Variants in TSPAN9 observed in about 807,000 individuals in gnomAD.
The protein encoded by TSPAN9 is tetraspanin 9, also known as tetraspanin-9.
Under a neutral mutation model 31.0 loss-of-function variants are expected in TSPAN9, and 16 were observed. That is an observed-to-expected ratio of 0.52 (90% CI 0.35 to 0.78). The LOEUF is 0.78. Among genes scored for constraint, TSPAN9 ranks in the 30% least tolerant of loss-of-function variants. The pLI, the probability that TSPAN9 is intolerant of heterozygous loss-of-function variation, is 0.01. For missense variants in TSPAN9, 272 were observed against 312.5 expected, an observed-to-expected ratio of 0.87 and a Z score of 0.98; for synonymous variants, 145 against 121.6, an observed-to-expected ratio of 1.19 and a Z score of -1.27.
At chr12:3,206,814 A>G (rs909497674) in intron 3 of TSPAN9, among the ~76,000 whole-genome samples, 4 of 152,162 alleles carry the variant, frequency 2.6e-5, no homozygotes, top group Middle Eastern at 3.2e-3. Context: ...TGGAGTAACT[A>G]ATACTGCGTA....
At chr12:3,262,614 G>A (rs577917067) in intron 3 of TSPAN9, among the ~76,000 whole-genome samples, 1 of 152,046 alleles carries the variant, frequency 6.6e-6, no homozygotes, top group African/African-American at 2.4e-5. Flanking sequence ...TGGTGGGAAT[G>A]CTTATCCTTA....
Position 3,283,226 on chromosome 12 carries a change from C to T in TSPAN9, c.*110C>T. 1.8e-6 allele frequency: 2 copies of T among 1,134,908 alleles called. No individual in the cohort carries two copies. Among genetic ancestry groups the T allele is most frequent in the African/African-American group, 1.5e-5 (1 of 64,860 alleles). 70.3% of individuals were successfully genotyped at this position (1,134,908 alleles called of 1,614,324 possible). On this transcript the variant is annotated 3_prime_UTR_variant, in exon 9 of 9. Transcript: ENST00000011898. Reference sequence around the variant, plus strand: ...CAGATATGACCCCTGCACCCACCCCCCACAGCCTGCCCTACCCCACCTACC... The same window carrying T: ...CAGATATGACCCCTGCACCCACCCCTCACAGCCTGCCCTACCCCACCTACC...
chr12:3,279,547 G>A (rs73048966), intron 5 of TSPAN9, among the ~76,000 whole-genome samples: 6,416 of 152,280 alleles, frequency 0.042, 181 homozygotes, highest in Non-Finnish European at 0.063. Context: ...CCTTGAGGAC[G>A]GGCGCTGCTC....
At chr12:3,101,329 C>T (rs1367385153) in intron 2 of TSPAN9, among the ~76,000 whole-genome samples, 1 of 152,126 alleles carries the variant, frequency 6.6e-6, no homozygotes, top group East Asian at 1.9e-4. Flanking sequence ...GAAATGGGTA[C>T]CTTGAAGATA....
rs903323473 is a variant in TSPAN9 at position 3,171,418 on chromosome 12, C to G, written c.-17-29759C>G. Among the ~76,000 whole-genome samples, 133 of 152,114 alleles carry G rather than the reference C, an allele frequency of 8.7e-4. 1 individual carries two copies. Among genetic ancestry groups the G allele is most frequent in the Non-Finnish European group, 2.4e-4 (16 of 68,030 alleles). ...ATTGCCCACTCTCTTCTCATGTTTTCCATAATGCCAGCCCCAACCTTGAGG... is the reference window on the plus strand; with the variant it reads ...ATTGCCCACTCTCTTCTCATGTTTTGCATAATGCCAGCCCCAACCTTGAGG... On this transcript the variant is annotated intron_variant, in intron 2 of 8. Coordinates refer to ENST00000011898, the MANE Select transcript of TSPAN9 (RefSeq NM_006675.5).
intron 2 of TSPAN9, among the ~76,000 whole-genome samples, chr12:3,084,614 A>G (rs1292125167): frequency 2.0e-5 from 3 of 152,220 alleles, no homozygotes; most frequent in Non-Finnish European, 4.4e-5. Flanking sequence ...GCCAGTATTC[A>G]TATTTGTCAT....
At chr12:3,122,534 C>G (rs1261590272) in intron 2 of TSPAN9, among the ~76,000 whole-genome samples, 1 of 151,906 alleles carries the variant, frequency 6.6e-6, no homozygotes, top group Non-Finnish European at 1.5e-5. Flanking sequence ...GCTGGGATTA[C>G]AGGTGTGAGA....
At chr12:3,265,353 G>C (rs1862519757) in intron 3 of TSPAN9, among the ~76,000 whole-genome samples, 1 of 152,138 alleles carries the variant, frequency 6.6e-6, no homozygotes. Flanking sequence ...TGTAAAATGG[G>C]CTCCACTCAA....
chr12:3,281,397 A>G lies in TSPAN9; in HGVS notation c.564+68A>G, dbSNP rs565483587. ...TGGATGCCCCGGCACGGGGAGCCCT[A>G]TAGGGGAGGCTGGGCCCGGGACACT... On this transcript the variant is annotated intron_variant, in intron 7 of 8. Transcript: ENST00000011898. 1,187 of 1,458,122 alleles carry G rather than the reference A, an allele frequency of 8.1e-4. 13 individuals are homozygous for G. The African/African-American group carries it at 0.015, about 18-fold the overall frequency. The allele number at this position is 1,458,122 out of a possible 1,614,324, so 90.3% of individuals were successfully genotyped here.
intron 2 of TSPAN9, among the ~76,000 whole-genome samples, chr12:3,104,312 G>GT (rs1312081896): frequency 6.6e-6 from 1 of 151,672 alleles, no homozygotes; most frequent in Non-Finnish European, 1.5e-5. Context: ...TAGAAAATCG[G>GT]TAAGTGACAG....
intron 3 of TSPAN9, among the ~76,000 whole-genome samples, chr12:3,227,348 A>C (rs2098388395): frequency 1.3e-5 from 2 of 152,288 alleles, no homozygotes; most frequent in East Asian, 1.9e-4. Flanking sequence ...TGCTGGGGGC[A>C]GGCTTTGGAG....
rs532765971 is a variant in TSPAN9 at position 3,240,704 on chromosome 12, G to GT, written c.64-37717_64-37716insT. Among the ~76,000 whole-genome samples, 60 of 152,278 alleles carry GT rather than the reference G, an allele frequency of 3.9e-4. No individual in the cohort carries two copies. The Middle Eastern group carries it at 0.01, about 26-fold the overall frequency. On this transcript the variant is annotated intron_variant, in intron 3 of 8. Coordinates refer to ENST00000011898, the MANE Select transcript of TSPAN9 (RefSeq NM_006675.5). ...AATCTATGATCCTTACACTACACCA[G>GT]CCTGTCTCTGCTGCACTGTGGTGTT...
intron 2 of TSPAN9, among the ~76,000 whole-genome samples, chr12:3,196,897 A>G (rs936202613): frequency 2.0e-5 from 3 of 152,228 alleles, no homozygotes; most frequent in African/African-American, 4.8e-5. Context: ...CAATGAGGCA[A>G]CTATTCTGCC....
intron 3 of TSPAN9, among the ~76,000 whole-genome samples, chr12:3,217,144 C>G (rs3741944): frequency 0.14 from 21,267 of 152,262 alleles, 1,862 homozygotes; most frequent in African/African-American, 0.24. Context: ...GTGGCTCTTT[C>G]CCTGCTGAGC....
intron 2 of TSPAN9, among the ~76,000 whole-genome samples, chr12:3,098,409 C>A (rs1002701076): frequency 6.6e-6 from 1 of 152,206 alleles, no homozygotes; most frequent in South Asian, 2.1e-4. Flanking sequence ...CCAGACCTCG[C>A]TTCTGTTCTC....
At chr12:3,239,197 CAAGGCGTAGAGGGGT>C (rs2098395337) in intron 3 of TSPAN9, among the ~76,000 whole-genome samples, 1 of 152,152 alleles carries the variant, frequency 6.6e-6, no homozygotes, top group African/African-American at 2.4e-5. Flanking sequence ...GGGAGAGAGG[CAAGGCGTAGAGGGGT>C]GCCTGGTGGG....
chr12:3,263,974 A>G (rs567488176), intron 3 of TSPAN9, among the ~76,000 whole-genome samples: 5 of 152,308 alleles, frequency 3.3e-5, no homozygotes, highest in East Asian at 1.9e-4. Flanking sequence ...CGGGTTTACA[A>G]TGAAGAGCAA....
At chr12:3,082,408 A>T (rs570564505) in intron 1 of TSPAN9, among the ~76,000 whole-genome samples, 2 of 152,338 alleles carry the variant, frequency 1.3e-5, no homozygotes, top group East Asian at 3.9e-4. Flanking sequence ...GTGGCCTTCA[A>T]ATCACCAGCC....
chr12:3,109,056 C>T (rs1479629800), intron 2 of TSPAN9, among the ~76,000 whole-genome samples: 2 of 152,058 alleles, frequency 1.3e-5, no homozygotes, highest in Admixed American at 6.5e-5. Flanking sequence ...CTGTCTCAGC[C>T]TCCCGAGTAG....
Sources: gnomAD v4.1 joint callset for allele counts (sites outside exome capture counted in the v4.1 genomes callset) on GRCh38, gnomAD v4.1.1 for gene constraint, MANE v1.5 for transcripts, NCBI Gene and HGNC (gene_info 2026-07-23, HGNC 2026-07-21) for gene names.